FAM120C: variants seen among roughly 807,000 people sequenced by gnomAD.
FAM120C encodes the protein constitutive coactivator of PPAR-gamma-like protein 2.
A neutral mutation model predicts 71.2 loss-of-function variants in FAM120C; 14 were observed. That is an observed-to-expected ratio of 0.20 (90% CI 0.13 to 0.31). The LOEUF is 0.31. FAM120C is among the 10% of genes least tolerant of loss of function. The probability of loss-of-function intolerance (pLI) is 1.00; values close to 1 mark genes in which losing one functional copy is unlikely to be tolerated. For synonymous variants in FAM120C, 354 were observed against 353.2 expected, an observed-to-expected ratio of 1.00 and a Z score of -0.03; for missense variants, 500 against 879.0, an observed-to-expected ratio of 0.57 and a Z score of 5.45.
rs2067094692 is a variant in FAM120C, at chrX:54,136,365, G to A, written c.1258+126C>T. On this transcript the variant is annotated intron_variant, in intron 5 of 15. Transcript: ENST00000375180. ...AAAAGGAGAAAGCCTACCAAACAGG[G>A]ATGAGGAATGACTTGTAGGAGGATA... The A allele has an allele frequency of 1.0e-5, 5 of 476,558 alleles. No individual in the cohort carries two copies. The Admixed American group carries it at 1.7e-4, about 16-fold the overall frequency. The allele number at this position is 476,558 out of a possible 1,213,427, so 39.3% of individuals were successfully genotyped here. A position where few individuals can be genotyped will look rare whatever the true frequency, so the allele number is the denominator to read the frequency against.
intron 9 of FAM120C, among the ~76,000 whole-genome samples, chrX:54,125,865 A>G (rs1224247108): frequency 1.8e-5 from 2 of 112,323 alleles, no homozygotes; most frequent in Non-Finnish European, 3.8e-5. Flanking sequence ...GAACATCTGT[A>G]TCTCTCCATT....
rs1307445921 is a variant in FAM120C, at chrX:54,135,049, T to C, written c.1398A>G (p.Ser466=). 2.5e-6 allele frequency: 3 copies of C among 1,208,031 alleles called. No individual in the cohort carries two copies. Among genetic ancestry groups the C allele is most frequent in the Non-Finnish European group, 3.4e-6 (3 of 893,981 alleles). Residue 466 remains serine, a synonymous_variant, in exon 7 of 16, where the codon TCA becomes TCG. Coordinates refer to ENST00000375180, the MANE Select transcript of FAM120C (RefSeq NM_017848.6). ...YPPPFPVGPN[S]SLLFSSHALG... Reference sequence around the variant, plus strand: ...AAGCATGGGAGGAGAAGAGAAGAGATGAGTTGGGTCCCACTGGGAATGGTG... The same window carrying C: ...AAGCATGGGAGGAGAAGAGAAGAGACGAGTTGGGTCCCACTGGGAATGGTG...
At chrX:54,110,062 G>A (rs2146585650) in intron 10 of FAM120C, among the ~76,000 whole-genome samples, 1 of 93,237 alleles carries the variant, frequency 1.1e-5, no homozygotes, top group African/African-American at 4.0e-5. Flanking sequence ...TGTTGCCCAG[G>A]CTGGAGTGTA....
At chrX:54,124,724 C>T (rs928105216) in intron 9 of FAM120C, among the ~76,000 whole-genome samples, 1 of 111,055 alleles carries the variant, frequency 9.0e-6, no homozygotes, top group Non-Finnish European at 1.9e-5. Flanking sequence ...TGTTCCTATT[C>T]GGCCATCTTG....
At chrX:54,127,515 C>T (rs1207748840) in intron 9 of FAM120C, among the ~76,000 whole-genome samples, 5 of 98,980 alleles carry the variant, frequency 5.1e-5, no homozygotes, top group African/African-American at 1.5e-4. Flanking sequence ...GGTGTGAACC[C>T]GGGAGGTGGA....
At position 54,072,995 on chromosome X, in the gene FAM120C, T is replaced by C; in HGVS notation, c.*38A>G. The C allele has an allele frequency of 8.6e-7, 1 of 1,168,409 alleles. No individual in the cohort carries two copies. On this transcript the variant is annotated 3_prime_UTR_variant, in exon 16 of 16. Transcript: ENST00000375180. The stretch of plus-strand genomic sequence containing the variant: ...CCTAAAATCAGAAAAGTAAAAGTTT[T>C]TCCCTCTTCCTGGTTTGGTGAAGCC...
intron 1 of FAM120C, chrX:54,171,460 T>TAAAAAAG (rs2067287760): frequency 8.9e-6 from 1 of 112,292 alleles, no homozygotes; most frequent in Non-Finnish European, 1.9e-5. Context: ...CTGTGGGTGT[T>TAAAAAAG]TATACATGCA....
intron 15 of FAM120C, 78 bp from the exon 16 acceptor site, chrX:54,073,365 C>T: frequency 9.8e-7 from 1 of 1,022,663 alleles, no homozygotes; most frequent in Middle Eastern, 3.5e-4. Context: ...CATAAGCTAG[C>T]CTGAGGAAGC....
At chrX:54,123,770 G>A (rs1401769361) in intron 9 of FAM120C, among the ~76,000 whole-genome samples, 21 of 73,306 alleles carry the variant, frequency 2.9e-4, no homozygotes, top group Non-Finnish European at 4.9e-4. Flanking sequence ...GAGGAACTGC[G>A]TTCCTTTGGA....
At chrX:54,142,377 C>G (rs1358741239) in intron 4 of FAM120C, among the ~76,000 whole-genome samples, 1 of 112,078 alleles carries the variant, frequency 8.9e-6, no homozygotes, top group African/African-American at 3.2e-5. Flanking sequence ...CACTCCCACC[C>G]TAATACTGCA....
intron 4 of FAM120C, among the ~76,000 whole-genome samples, chrX:54,142,492 T>G (rs1280342113): frequency 8.9e-6 from 1 of 112,208 alleles, no homozygotes; most frequent in African/African-American, 3.2e-5. Flanking sequence ...CACTCACTGC[T>G]GGCACAGCAG....
chrX:54,159,262 T>C, intron 2 of FAM120C, 108 bp downstream of exon 2: 1 of 1,033,029 alleles, frequency 9.7e-7, no homozygotes, highest in East Asian at 3.1e-5. Context: ...CGTGAAGACT[T>C]TAAGAAGACA....
intron 10 of FAM120C, among the ~76,000 whole-genome samples, chrX:54,109,390 G>T (rs1384519191): frequency 1.0e-5 from 1 of 98,196 alleles, no homozygotes. Flanking sequence ...GGAGGCCAAG[G>T]TGTGGGAGGA....
chrX:54,090,264 T>C (rs2066817857), intron 11 of FAM120C, among the ~76,000 whole-genome samples: 1 of 108,147 alleles, frequency 9.2e-6, no homozygotes, highest in African/African-American at 3.4e-5. Context: ...AGAGTTTCAC[T>C]CTTGTTGCTC....
At chrX:54,134,699 G>T in intron 7 of FAM120C, 132 bp downstream of exon 7, 2 of 652,993 alleles carry the variant, frequency 3.1e-6, no homozygotes, top group Non-Finnish European at 4.4e-6. Context: ...TTCCTACTTT[G>T]CTTTCCTAAG....
intron 1 of FAM120C, among the ~76,000 whole-genome samples, chrX:54,165,674 G>T (rs1380780559): frequency 9.1e-6 from 1 of 110,450 alleles, no homozygotes; most frequent in African/African-American, 3.3e-5. Flanking sequence ...CTACTCGGGG[G>T]GCTAAGGCAG....
At chrX:54,140,619 T>A in intron 4 of FAM120C, among the ~76,000 whole-genome samples, 1 of 92,165 alleles carries the variant, frequency 1.1e-5, no homozygotes, top group African/African-American at 4.1e-5. Context: ...AAACTCCGTC[T>A]CAAAGAAAAA....
At chrX:54,079,340 G>A (rs1490058275) in intron 15 of FAM120C, among the ~76,000 whole-genome samples, 6 of 110,205 alleles carry the variant, frequency 5.4e-5, no homozygotes, top group Admixed American at 2.0e-4. Context: ...CTTGAGAGAC[G>A]GAGCTGCGAG....
At chrX:54,132,515 T>C (rs190785199) in intron 9 of FAM120C, among the ~76,000 whole-genome samples, 177 bp downstream of exon 9, 63 of 112,085 alleles carry the variant, frequency 5.6e-4, no homozygotes, top group Non-Finnish European at 9.6e-4. Context: ...CTCTAAATGC[T>C]TGAATAATTG....
Sources: allele counts gnomAD v4.1 joint callset (sites outside exome capture counted in the v4.1 genomes callset), GRCh38; gene constraint gnomAD v4.1.1; transcripts MANE v1.5; gene names NCBI Gene and HGNC (gene_info 2026-07-23, HGNC 2026-07-21).